The following MEIS2 variants were observed in gnomAD, a reference collection of about 807,000 sequenced individuals.
MEIS2 encodes the protein homeobox protein Meis2.
In MEIS2, 9 loss-of-function variants were observed where a neutral mutation model predicts 58.6. The ratio of observed to expected loss-of-function variants is 0.15; its 90% CI spans 0.09 to 0.27. The LOEUF is 0.27. MEIS2 is among the 10% of genes least tolerant of loss of function. The probability of loss-of-function intolerance (pLI) is 1.00; values close to 1 mark genes in which losing one functional copy is unlikely to be tolerated. For synonymous variants in MEIS2, 221 were observed against 228.4 expected (o/e 0.97, Z 0.29); for missense variants, 427 against 635.0 (o/e 0.67, Z 3.52).
chr15:37,066,253 A>T (rs1197095143), intron 7 of MEIS2: 2 of 152,210 alleles, frequency 1.3e-5, no homozygotes, highest in Admixed American at 1.3e-4. Flanking sequence ...TGAAGAAATA[A>T]AAATAAAGGG....
intron 8 of MEIS2, among the ~76,000 whole-genome samples, chr15:37,025,062 C>T (rs372004851): frequency 1.3e-5 from 2 of 152,162 alleles, no homozygotes; most frequent in African/African-American, 4.8e-5. Context: ...TGCACATGTG[C>T]TATGTGTAGG....
intron 8 of MEIS2, among the ~76,000 whole-genome samples, chr15:36,951,529 C>T (rs894685493): frequency 1.3e-5 from 2 of 152,018 alleles, no homozygotes; most frequent in Non-Finnish European, 2.9e-5. Flanking sequence ...AGATTTTATT[C>T]TTCAGGTATT....
In MEIS2 at chr15:36,892,140, C is replaced by T. The variant is rs538887435; in HGVS notation, c.*33G>A. ...TCAGAAAGTCTTAAAATAGTTTTTGCGTGTGTTTCCTTTTCCCTTGAGTTC... is the reference window on the plus strand; with the variant it reads ...TCAGAAAGTCTTAAAATAGTTTTTGTGTGTGTTTCCTTTTCCCTTGAGTTC... On this transcript the variant is annotated 3_prime_UTR_variant, in exon 12 of 12. Coordinates refer to ENST00000561208, the MANE Select transcript of MEIS2 (RefSeq NM_170675.5). The T allele has an allele frequency of 1.4e-4, 227 of 1,605,772 alleles. 1 individual carries two copies. The highest frequency in any genetic ancestry group is 3.3e-4 in the Middle Eastern group (2 of 6,010).
At chr15:36,980,621 G>T (rs1480982802) in intron 8 of MEIS2, among the ~76,000 whole-genome samples, 1 of 151,944 alleles carries the variant, frequency 6.6e-6, no homozygotes, top group African/African-American at 2.4e-5. Context: ...ATGAGATTTG[G>T]GTGGGGACAC....
At chr15:36,936,972 A>G (rs2058199125) in intron 9 of MEIS2, among the ~76,000 whole-genome samples, 1 of 152,204 alleles carries the variant, frequency 6.6e-6, no homozygotes. Flanking sequence ...TTATTTTTGA[A>G]AGACTTCTTG....
chr15:36,910,559 A>G (rs1351652980), intron 9 of MEIS2, among the ~76,000 whole-genome samples: 1 of 152,230 alleles, frequency 6.6e-6, no homozygotes, highest in African/African-American at 2.4e-5. Context: ...CATAAATTAT[A>G]TTTTTAAGCC....
intron 7 of MEIS2, among the ~76,000 whole-genome samples, chr15:37,069,522 C>A (rs1251545428): frequency 6.6e-6 from 1 of 152,130 alleles, no homozygotes; most frequent in African/African-American, 2.4e-5. Context: ...ACAAGGTATA[C>A]CCAGCCTAAT....
chr15:36,949,603 T>G (rs928430015), intron 9 of MEIS2, among the ~76,000 whole-genome samples: 3 of 152,058 alleles, frequency 2.0e-5, no homozygotes, highest in African/African-American at 7.2e-5. Flanking sequence ...TCAGTTCAAT[T>G]AATCTGAACA....
chr15:37,098,254 G>T (rs928856890), intron 1 of MEIS2, 55 bp from the exon 2 acceptor site: 25 of 1,490,224 alleles, frequency 1.7e-5, no homozygotes, highest in Admixed American at 6.7e-5. Context: ...GAACAGAGGA[G>T]GGGGGTGGAA....
chr15:37,049,334 T>G (rs2062810619), intron 7 of MEIS2, among the ~76,000 whole-genome samples: 1 of 152,084 alleles, frequency 6.6e-6, no homozygotes. Context: ...TCTTTTGGGG[T>G]GATGAAAATG....
At chr15:36,935,370 G>C (rs78018161) in intron 9 of MEIS2, among the ~76,000 whole-genome samples, 6,141 of 151,670 alleles carry the variant, frequency 0.04, 176 homozygotes, top group Non-Finnish European at 0.058. Context: ...ACTTGTTGAG[G>C]TTCCTTAAAT....
intron 10 of MEIS2, among the ~76,000 whole-genome samples, chr15:36,895,642 T>C (rs1567019635): frequency 6.6e-6 from 1 of 152,256 alleles, no homozygotes; most frequent in African/African-American, 2.4e-5. Context: ...AAAATGTTCA[T>C]ATTTTACACA....
chr15:37,069,806 G>T (rs4332702), intron 7 of MEIS2, among the ~76,000 whole-genome samples: 91,360 of 151,930 alleles, frequency 0.6, 28,408 homozygotes, highest in Non-Finnish European at 0.68. Flanking sequence ...CAGAGATCTA[G>T]GACAGTGAGA....
intron 8 of MEIS2, among the ~76,000 whole-genome samples, chr15:36,978,722 T>C (rs2059839100): frequency 6.6e-6 from 1 of 152,220 alleles, no homozygotes; most frequent in Non-Finnish European, 1.5e-5. Flanking sequence ...CGGCTCATAC[T>C]GCATATACTC....
chr15:37,012,500 C>A (rs2141639828), intron 8 of MEIS2, among the ~76,000 whole-genome samples: 1 of 152,260 alleles, frequency 6.6e-6, no homozygotes, highest in Non-Finnish European at 1.5e-5. Context: ...TGACGTGTGC[C>A]CACAAAAAGG....
chr15:36,931,520 AC>A (rs1203894210), intron 9 of MEIS2, among the ~76,000 whole-genome samples: 2 of 152,220 alleles, frequency 1.3e-5, no homozygotes, highest in African/African-American at 4.8e-5. Context: ...AATTGAAACA[AC>A]GTTGATGCTT....
intron 1 of MEIS2, chr15:37,099,006 C>T: frequency 2.0e-6 from 2 of 983,408 alleles, no homozygotes; most frequent in Non-Finnish European, 2.4e-6. Context: ...GCTGCGGCAG[C>T]GCGGCCCCAG....
At position 36,892,140 on chromosome 15, in the gene MEIS2, C is replaced by A; in HGVS notation, c.*33G>T. On this transcript the variant is annotated 3_prime_UTR_variant, in exon 12 of 12. Transcript: ENST00000561208. ...TCAGAAAGTCTTAAAATAGTTTTTG[C>A]GTGTGTTTCCTTTTCCCTTGAGTTC... is the stretch of plus-strand genomic sequence containing the variant. The A allele has an allele frequency of 6.2e-7, 1 of 1,605,780 alleles. No homozygotes were observed. The highest frequency in any genetic ancestry group is 8.5e-7 in the Non-Finnish European group (1 of 1,174,284).
At chr15:37,082,244 A>G (rs1405026513) in intron 7 of MEIS2, among the ~76,000 whole-genome samples, 2 of 152,216 alleles carry the variant, frequency 1.3e-5, no homozygotes, top group Non-Finnish European at 2.9e-5. Context: ...TGGGCTCCTG[A>G]GCAAAGCGAA....
Sources: allele counts gnomAD v4.1 joint callset (sites outside exome capture counted in the v4.1 genomes callset), GRCh38; gene constraint gnomAD v4.1.1; transcripts MANE v1.5; gene names NCBI Gene and HGNC (gene_info 2026-07-23, HGNC 2026-07-21).